TBC1D16: variants seen among roughly 807,000 people sequenced by gnomAD.
TBC1D16 encodes CTD-2529O21.1.
A neutral mutation model predicts 74.7 loss-of-function variants in TBC1D16; 58 were observed. That is an observed-to-expected ratio of 0.78 (90% confidence interval 0.63 to 0.97). TBC1D16 has a LOEUF of 0.97. Ranked by LOEUF, TBC1D16 falls within the 50% of genes least tolerant of loss-of-function variation. The pLI is 0.00. For missense variants in TBC1D16, 1,014 were observed against 1,079.5 expected (o/e 0.94, Z 0.85); for synonymous variants, 493 against 474.7 (o/e 1.04, Z -0.50).
chr17:79,942,307 C>T (rs572100306), intron 10 of TBC1D16, 101 bp from the exon 11 acceptor site: 49 of 1,319,718 alleles, frequency 3.7e-5, no homozygotes, highest in Admixed American at 2.0e-4. Flanking sequence ...GGCTCCAGGG[C>T]GAGGGGTCTG....
At chr17:80,031,837 C>T (rs2143450061) in intron 1 of TBC1D16, among the ~76,000 whole-genome samples, 1 of 152,296 alleles carries the variant, frequency 6.6e-6, no homozygotes, top group South Asian at 2.1e-4. Flanking sequence ...GCTCAGGTAC[C>T]TCCTACTTCT....
chr17:79,944,051 G>A lies in TBC1D16; in HGVS notation c.1908+857C>T, dbSNP rs958069139. The A allele has an allele frequency of 3.9e-6, 6 of 1,535,968 alleles. No individual in the cohort carries two copies. The highest frequency in any genetic ancestry group is 2.4e-5 in the East Asian group (1 of 40,896). ...CGAGCCGATGACCGCATGCAAAGGC[G>A]GCGTGTGGTACCGGCACTCGGTGGC... On this transcript the variant is annotated intron_variant, in intron 10 of 11. Coordinates refer to ENST00000310924, the MANE Select transcript of TBC1D16 (RefSeq NM_019020.4). This position sits in a 1 kb window ranked among gnomAD's most constrained non-coding sequence, Gnocchi z 7.7.
intron 1 of TBC1D16, among the ~76,000 whole-genome samples, chr17:80,025,358 G>A (rs866748167): frequency 2.7e-5 from 4 of 150,004 alleles, no homozygotes; most frequent in South Asian, 2.1e-4. Flanking sequence ...GGGGCCGCAG[G>A]AGCCTCCCTA....
Position 79,942,911 on chromosome 17 carries a change from C to T in TBC1D16, c.1909-705G>A, listed in dbSNP as rs951895114. ...CGCCTCACGGGGCCTGCCAGCAACG[C>T]GCTGTGTGCAGCAGGAAGCCCACGC... On this transcript the variant is annotated intron_variant, in intron 10 of 11. Coordinates refer to ENST00000310924, the MANE Select transcript of TBC1D16 (RefSeq NM_019020.4). Among the ~76,000 whole-genome samples the T allele has an allele frequency of 5.3e-5, 8 of 151,904 alleles. No homozygotes were observed. The South Asian group carries it at 6.2e-4, about 12-fold the overall frequency.
chr17:79,960,815 G>GAAAAA (rs2033581403), intron 3 of TBC1D16, among the ~76,000 whole-genome samples: 3 of 87,612 alleles, frequency 3.4e-5, no homozygotes, highest in Admixed American at 1.1e-4. Flanking sequence ...AAAAACGAAG[G>GAAAAA]AATGAAACTG....
Position 79,971,826 on chromosome 17 carries a change from A to G in TBC1D16, c.780-19008T>C, listed in dbSNP as rs1002923712. Among the ~76,000 whole-genome samples the G allele has an allele frequency of 6.6e-6, 1 of 151,964 alleles. No homozygotes were observed. The highest frequency in any genetic ancestry group is 2.4e-5 in the African/African-American group (1 of 41,360). ...GTCAGACAGGAGCATCCCACGGGGT[A>G]GGGATGGGGGCTCTGGAAGGCTTCC... On this transcript the variant is annotated intron_variant, in intron 3 of 11. Coordinates refer to ENST00000310924, the MANE Select transcript of TBC1D16 (RefSeq NM_019020.4). This position sits in a 1 kb window ranked among gnomAD's most constrained non-coding sequence, Gnocchi z 4.6.
chr17:79,944,105 C>A lies in TBC1D16; in HGVS notation c.1908+803G>T. ...AGACTCGCTTTCATCAGACATCAGCCCCCTGCGGTGTGAGTGAGGACAGGA... is the reference window on the plus strand; with the variant it reads ...AGACTCGCTTTCATCAGACATCAGCACCCTGCGGTGTGAGTGAGGACAGGA... On this transcript the variant is annotated intron_variant, in intron 10 of 11. Transcript: ENST00000310924. The surrounding 1 kb of genome is among the most constrained non-coding windows in gnomAD (Gnocchi z 7.7). 1 of 1,536,040 alleles carries A rather than the reference C, an allele frequency of 6.5e-7. No homozygotes were observed. Among genetic ancestry groups the A allele is most frequent in the Admixed American group, 2.0e-5 (1 of 51,000 alleles).
At chr17:79,963,084 G>C (rs1334385020) in intron 3 of TBC1D16, among the ~76,000 whole-genome samples, 1 of 151,724 alleles carries the variant, frequency 6.6e-6, no homozygotes, top group East Asian at 1.9e-4. Flanking sequence ...GTGTGGTGGT[G>C]GGCGCCTATA....
rs1221680662 is a variant in TBC1D16 at position 79,993,555 on chromosome 17, G to T, written c.779+16605C>A. 1.3e-5 allele frequency: 2 copies of T among 152,254 alleles called. No homozygotes were observed. The highest frequency in any genetic ancestry group is 2.9e-5 in the Non-Finnish European group (2 of 68,048). The allele number at this position is 152,254 out of a possible 1,614,324, so 9.4% of individuals were successfully genotyped here. On this transcript the variant is annotated intron_variant, in intron 3 of 11. Transcript: ENST00000310924. The surrounding 1 kb of genome is among the most constrained non-coding windows in gnomAD (Gnocchi z 5.1). ...AAGCCAAACAGAACCAGCTACGGGA[G>T]TCTTTCGACCGCAAGACAAAAGGTC...
rs570693085 is a variant in TBC1D16, at chr17:79,985,506, C to T, written c.779+24654G>A. 1.3e-5 allele frequency among the ~76,000 whole-genome samples: 2 copies of T among 152,304 alleles called. No individual in the cohort carries two copies. Among genetic ancestry groups the T allele is most frequent in the African/African-American group, 2.4e-5 (1 of 41,568 alleles). ...GCGAAGCAGGACTGCCCCCCAAGGC[C>T]AGGCAGGTCCTCGAGGAGCATCTCC... On this transcript the variant is annotated intron_variant, in intron 3 of 11. Transcript: ENST00000310924. This position sits in a 1 kb window ranked among gnomAD's most constrained non-coding sequence, Gnocchi z 4.9.
At chr17:79,959,978 A>T (rs1180980955) in intron 3 of TBC1D16, among the ~76,000 whole-genome samples, 1 of 152,214 alleles carries the variant, frequency 6.6e-6, no homozygotes. Flanking sequence ...ACTTGTATCC[A>T]GAGTATGTAT....
chr17:80,013,290 G>A (rs1169880096), intron 2 of TBC1D16, 77 bp downstream of exon 2: 2 of 1,386,900 alleles, frequency 1.4e-6, no homozygotes, highest in African/African-American at 2.9e-5. Context: ...ACGTGCTGTG[G>A]CCCAGGGCCT....
chr17:79,978,818 C>T (rs1484658657), intron 3 of TBC1D16, among the ~76,000 whole-genome samples: 3 of 152,268 alleles, frequency 2.0e-5, no homozygotes, highest in Middle Eastern at 3.4e-3. Flanking sequence ...TGCAAATATG[C>T]TTGGAGGCAA....
rs1272939803 is a variant in TBC1D16 at position 79,984,678 on chromosome 17, CT to C, written c.779+25481del. Among the ~76,000 whole-genome samples the C allele has an allele frequency of 6.3e-5, 9 of 142,418 alleles. No homozygotes were observed. In the South Asian group the frequency reaches 1.6e-3, roughly 25 times the overall value. The allele number at this position is 142,418 out of a possible 152,430, so 93.4% of individuals were successfully genotyped here. Reference sequence around the variant, plus strand: ...GAAGGAAAGGAGACAAACAAAAGCCCTCCAAAACATGGAAAACAGTAAAGGC... The same window carrying C: ...GAAGGAAAGGAGACAAACAAAAGCCCCCAAAACATGGAAAACAGTAAAGGC... On this transcript the variant is annotated intron_variant, in intron 3 of 11. Coordinates refer to ENST00000310924, the MANE Select transcript of TBC1D16 (RefSeq NM_019020.4).
Position 79,951,399 on chromosome 17 carries a change from G to T in TBC1D16, c.1089+51C>A, listed in dbSNP as rs756526099. On this transcript the variant is annotated intron_variant, in intron 5 of 11. Coordinates refer to ENST00000310924, the MANE Select transcript of TBC1D16 (RefSeq NM_019020.4). ...CCCAGGAGGGAGATGGGGCCCGTGG[G>T]GGGTGGGGAGTGTCAACCGCTGGGC... 18 of 1,592,510 alleles carry T rather than the reference G, an allele frequency of 1.1e-5. No individual in the cohort carries two copies. The Admixed American group carries it at 2.2e-4, about 20-fold the overall frequency.
rs1315457070 is a variant in TBC1D16, at chr17:80,001,805, G to C, written c.779+8355C>G. 7.3e-6 allele frequency among the ~76,000 whole-genome samples: 1 copy of C among 136,950 alleles called. No homozygotes were observed. The highest frequency in any genetic ancestry group is 2.8e-5 in the African/African-American group (1 of 35,514). 89.8% of individuals were successfully genotyped at this position (136,950 alleles called of 152,430 possible). On this transcript the variant is annotated intron_variant, in intron 3 of 11. Transcript: ENST00000310924. The surrounding 1 kb of genome is among the most constrained non-coding windows in gnomAD (Gnocchi z 5.8). ...CCACTCACCCCTTGCCCCCTTCCCT[G>C]CTGTCTCTTGCCCTGGACCCTCTCA... is the stretch of plus-strand genomic sequence containing the variant.
intron 3 of TBC1D16, among the ~76,000 whole-genome samples, chr17:79,959,389 A>G (rs2033490395): frequency 6.6e-6 from 1 of 152,234 alleles, no homozygotes; most frequent in South Asian, 2.1e-4. Flanking sequence ...GTGAAAATTG[A>G]TAAGTTGACC....
rs2031861923 is a variant in TBC1D16, at chr17:79,940,197, G to C, written c.*662C>G. ...ACCAGGAGGACGAAATGTTTAAACG[G>C]ATAAACATTACAAGCGCCAGCTCCT... On this transcript the variant is annotated 3_prime_UTR_variant, in exon 12 of 12. Coordinates refer to ENST00000310924, the MANE Select transcript of TBC1D16 (RefSeq NM_019020.4). The surrounding 1 kb of genome is among the most constrained non-coding windows in gnomAD (Gnocchi z 5.4). 6.6e-6 allele frequency: 1 copy of C among 152,190 alleles called. No homozygotes were observed. The highest frequency in any genetic ancestry group is 2.4e-5 in the African/African-American group (1 of 41,442). 9.4% of individuals were successfully genotyped at this position (152,190 alleles called of 1,614,324 possible).
At position 79,986,534 on chromosome 17, in the gene TBC1D16, G is replaced by A. The variant is rs148715123; in HGVS notation, c.779+23626C>T. 1.4e-4 allele frequency among the ~76,000 whole-genome samples: 21 copies of A among 152,272 alleles called. 1 individual carries two copies. The East Asian group carries it at 3.7e-3, about 27-fold the overall frequency. ...CTCCCTACCCCAGGACCTTCCACCA[G>A]AAAAGGCCAAAGAGAGACCACACGT... On this transcript the variant is annotated intron_variant, in intron 3 of 11. Coordinates refer to ENST00000310924, the MANE Select transcript of TBC1D16 (RefSeq NM_019020.4). The surrounding 1 kb of genome is among the most constrained non-coding windows in gnomAD (Gnocchi z 6.0).
Sources: gnomAD v4.1 joint callset for allele counts (sites outside exome capture counted in the v4.1 genomes callset) on GRCh38, gnomAD v4.1.1 for gene constraint, Gnocchi (gnomAD v3.1) non-coding constraint, MANE v1.5 for transcripts, NCBI Gene and HGNC (gene_info 2026-07-23, HGNC 2026-07-21) for gene names.